The following IL5 variants were observed in gnomAD, a reference collection of about 807,000 sequenced individuals.
IL5 encodes interleukin 5, also known as interleukin-5.
A neutral mutation model predicts 16.3 loss-of-function variants in IL5; 12 were observed. The ratio of observed to expected loss-of-function variants is 0.74; its 90% CI spans 0.47 to 1.20. The LOEUF is 1.20. Ranked by LOEUF, IL5 falls within the 50% of genes most tolerant of loss-of-function variation. The pLI, the probability that IL5 is intolerant of heterozygous loss-of-function variation, is 0.00. For missense variants in IL5, 159 were observed against 153.9 expected, an observed-to-expected ratio of 1.03 and a Z score of -0.17; for synonymous variants, 54 against 56.6, an observed-to-expected ratio of 0.95 and a Z score of 0.21.
At chr5:132,547,025 C>CA (rs200878178), upstream of IL5, among the ~76,000 whole-genome samples, 917 of 151,382 alleles carry the variant, frequency 6.1e-3, 17 homozygotes, top group Admixed American at 0.042. Flanking sequence ...GACTCCATCT[C>CA]AAAAAAAAGA....
intron 1 of IL5, among the ~76,000 whole-genome samples, chr5:132,549,367 T>C (rs1287793498): frequency 3.3e-5 from 5 of 152,310 alleles, no homozygotes; most frequent in African/African-American, 1.2e-4. Context: ...AGGAGTCTTT[T>C]ACCTGCAGCT....
upstream of IL5, among the ~76,000 whole-genome samples, chr5:132,547,603 T>C (rs1053027915): frequency 2.6e-5 from 4 of 152,098 alleles, no homozygotes; most frequent in South Asian, 4.1e-4. Context: ...ACTAAGGGAA[T>C]TGGAAAAAGC....
chr5:132,541,880 T>C lies in IL5; in HGVS notation c.336A>G (p.Val112=). 1 of 1,613,996 alleles carries C rather than the reference T, an allele frequency of 6.2e-7. No individual in the cohort carries two copies. The highest frequency in any genetic ancestry group is 1.3e-5 in the African/African-American group (1 of 75,052). The change falls in exon 4 of 4, where the codon GTA becomes GTG. Residue 112 remains valine (V), a synonymous_variant. Transcript: ENST00000231454. ...CTTGCAGGTAGTCTAGGAATTGGTT[T>C]ACTCTCCGTCTTTCTTCTCCACACT... The part of the protein sequence containing the change: ...KKKCGEERRR[V]NQFLDYLQEF...
At chr5:132,545,033 C>T (rs1317225551), upstream of IL5, among the ~76,000 whole-genome samples, 7 of 152,192 alleles carry the variant, frequency 4.6e-5, no homozygotes, top group Non-Finnish European at 7.3e-5. Context: ...GATTTGCGCA[C>T]TTGAGAAATG....
chr5:132,554,266 C>T (rs1329559743), intron 1 of IL5, among the ~76,000 whole-genome samples: 3 of 149,694 alleles, frequency 2.0e-5, no homozygotes, highest in Non-Finnish European at 3.0e-5. Flanking sequence ...ACTCAGGAGG[C>T]TGAGGCAGAA....
At chr5:132,544,195 C>G (rs1381143747), upstream of IL5, among the ~76,000 whole-genome samples, 1 of 152,178 alleles carries the variant, frequency 6.6e-6, no homozygotes, top group Non-Finnish European at 1.5e-5. Context: ...CCATTGAGGT[C>G]TCAAGATGAT....
Position 132,541,857 on chromosome 5 carries a change from T to A in IL5, c.359A>T (p.Gln120Leu). 6.2e-7 allele frequency: 1 copy of A among 1,613,976 alleles called. No homozygotes were observed. The highest frequency in any genetic ancestry group is 1.1e-5 in the South Asian group (1 of 91,076). ...GGTGTTCATTACACCAAGAAACTCT[T>A]GCAGGTAGTCTAGGAATTGGTTTAC... is the stretch of plus-strand genomic sequence containing the variant. ...RRVNQFLDYL[Q>L]EFLGVMNTEW... is the part of the protein sequence containing the mutation. The change falls in exon 4 of 4, where the codon CAA becomes CTA. Residue 120 changes from glutamine (Q) to leucine (L), a missense_variant. Coordinates refer to ENST00000231454, the MANE Select transcript of IL5 (RefSeq NM_000879.3).
chr5:132,555,665 G>A (rs1258413674), intron 1 of IL5, among the ~76,000 whole-genome samples: 1 of 152,138 alleles, frequency 6.6e-6, no homozygotes, highest in African/African-American at 2.4e-5. Context: ...ATCGGCGCCT[G>A]CCACCATGCC....
upstream of IL5, among the ~76,000 whole-genome samples, chr5:132,547,787 C>T (rs77858879): frequency 0.03 from 4,627 of 152,042 alleles, 179 homozygotes; most frequent in African/African-American, 0.098. Context: ...AATAATACTG[C>T]GGCGAGGCAT....
At chr5:132,552,396 T>C (rs1749898222) in intron 1 of IL5, among the ~76,000 whole-genome samples, 1 of 152,198 alleles carries the variant, frequency 6.6e-6, no homozygotes, top group African/African-American at 2.4e-5. Flanking sequence ...AAACTAAATA[T>C]TTTTTGGAAG....
At chr5:132,554,263 A>G (rs1447581099) in intron 1 of IL5, among the ~76,000 whole-genome samples, 1 of 150,466 alleles carries the variant, frequency 6.6e-6, no homozygotes, top group African/African-American at 2.4e-5. Context: ...GCTACTCAGG[A>G]GGCTGAGGCA....
chr5:132,544,576 G>T (rs555424256), upstream of IL5, among the ~76,000 whole-genome samples: 23 of 152,306 alleles, frequency 1.5e-4, no homozygotes, highest in South Asian at 2.5e-3. Context: ...ATGAAATTAG[G>T]GGAATCAGCC....
upstream of IL5, among the ~76,000 whole-genome samples, chr5:132,546,896 G>A (rs1238011186): frequency 3.3e-5 from 5 of 151,978 alleles, no homozygotes; most frequent in African/African-American, 7.3e-5. Flanking sequence ...CATGGTGGCC[G>A]GCACCTGTAG....
chr5:132,556,748 G>GCCAT (rs1749993452), exon 1 of IL5: 1 of 1,210,520 alleles, frequency 8.3e-7, no homozygotes, highest in Admixed American at 3.9e-5. Flanking sequence ...TTTGGGAAGC[G>GCCAT]CCATCCGTCA....
chr5:132,548,235 A>C (rs564899802), upstream of IL5, among the ~76,000 whole-genome samples: 260 of 152,212 alleles, frequency 1.7e-3, 2 homozygotes, highest in African/African-American at 6.1e-3. Flanking sequence ...GTCTCAAAAA[A>C]AAAAAAAAAG....
chr5:132,548,518 T>A (rs1029104165), upstream of IL5, among the ~76,000 whole-genome samples: 1 of 152,244 alleles, frequency 6.6e-6, no homozygotes, highest in Non-Finnish European at 1.5e-5. Flanking sequence ...TATTTCATTA[T>A]ACTGTTGATA....
upstream of IL5, among the ~76,000 whole-genome samples, chr5:132,544,481 C>G (rs1749753169): frequency 6.6e-6 from 1 of 152,208 alleles, no homozygotes; most frequent in Admixed American, 6.5e-5. Context: ...CAATAAATAT[C>G]TGTCACAGAT....
At position 132,542,080 on chromosome 5, in the gene IL5, C is replaced by T; in HGVS notation, c.241G>A (p.Gly81Arg). ...IGTLESQTVQ[G>R]GTVERLFKNL... ...TTGAATAGTCTTTCCACAGTACCCC[C>T]TTGCACAGTTTGACTCTCCAGTGTG... Residue 81 changes from glycine to arginine, a missense_variant, in exon 3 of 4, where the codon GGG (glycine) becomes AGG (arginine). Physicochemically the swap from Gly to Arg is moderately radical, Grantham distance 125. Transcript: ENST00000231454. 1 of 1,613,640 alleles carries T rather than the reference C, an allele frequency of 6.2e-7. No homozygotes were observed.
upstream of IL5, among the ~76,000 whole-genome samples, chr5:132,545,030 G>A (rs2069807): frequency 0.047 from 7,217 of 152,192 alleles, 562 homozygotes; most frequent in African/African-American, 0.17. Context: ...TCTGATTTGC[G>A]CACTTGAGAA....
Sources: allele counts gnomAD v4.1 joint callset (sites outside exome capture counted in the v4.1 genomes callset), GRCh38; gene constraint gnomAD v4.1.1; transcripts MANE v1.5; gene names NCBI Gene and HGNC (gene_info 2026-07-23, HGNC 2026-07-21).